DISC1: variants seen among roughly 807,000 people sequenced by gnomAD.
DISC1 encodes DISC1 scaffold protein, also known as disrupted in schizophrenia 1 protein.
A neutral mutation model predicts 84.5 loss-of-function variants in DISC1; 57 were observed. The ratio of observed to expected loss-of-function variants is 0.67; its 90% CI spans 0.55 to 0.84. DISC1 has a LOEUF of 0.84. Ranked by LOEUF, DISC1 falls within the 40% of genes least tolerant of loss-of-function variation. DISC1 has a pLI of 0.00. For missense variants in DISC1, 1,000 were observed against 1,057.8 expected, an observed-to-expected ratio of 0.95 and a Z score of 0.76; for synonymous variants, 411 against 415.2, an observed-to-expected ratio of 0.99 and a Z score of 0.12.
At chr1:231,789,615 A>C (rs2078161724) in intron 6 of DISC1, among the ~76,000 whole-genome samples, 2 of 152,172 alleles carry the variant, frequency 1.3e-5, no homozygotes, top group African/African-American at 4.8e-5. Flanking sequence ...CAGATCAGTT[A>C]TCTTTAGAAT....
chr1:231,915,526 A>G (rs1328479101), intron 9 of DISC1, among the ~76,000 whole-genome samples: 1 of 152,162 alleles, frequency 6.6e-6, no homozygotes, highest in Non-Finnish European at 1.5e-5. Flanking sequence ...GCTCACGCCT[A>G]TAATCCCAGC....
rs756371262 is a variant in DISC1, at chr1:231,991,980, G to A, written c.2043-16805G>A. Among the ~76,000 whole-genome samples the A allele has an allele frequency of 2.1e-4, 32 of 152,178 alleles. No individual in the cohort carries two copies. The Middle Eastern group carries it at 0.01, about 49-fold the overall frequency. ...TCTTTCAACTTTAAGAGGTAAAAAT[G>A]GCTGTATGATATGTAACAATAAGTG... On this transcript the variant is annotated intron_variant, in intron 10 of 12. Coordinates refer to ENST00000439617, the MANE Select transcript of DISC1 (RefSeq NM_018662.3).
chr1:231,913,313 A>G (rs1021808729), intron 9 of DISC1, among the ~76,000 whole-genome samples: 2 of 152,180 alleles, frequency 1.3e-5, no homozygotes, highest in African/African-American at 2.4e-5. Flanking sequence ...TATTATGGCT[A>G]ATGCTTATAA....
chr1:232,023,311 C>T (rs1669136729), intron 11 of DISC1, among the ~76,000 whole-genome samples: 1 of 152,028 alleles, frequency 6.6e-6, no homozygotes, highest in Non-Finnish European at 1.5e-5. Flanking sequence ...TTTAACTATT[C>T]CCTTTATTGT....
At position 231,833,413 on chromosome 1, in the gene DISC1, A is replaced by G. The variant is rs550558958; in HGVS notation, c.1981+14896A>G. 4.0e-5 allele frequency among the ~76,000 whole-genome samples: 6 copies of G among 151,770 alleles called. No individual in the cohort carries two copies. The South Asian group carries it at 1.2e-3, about 31-fold the overall frequency. On this transcript the variant is annotated intron_variant, in intron 9 of 12. Transcript: ENST00000439617. ...TTACCCTCCACTGTGAGAGTTACCC[A>G]AATCTCGGCATCCATGATGGTCTAG...
chr1:231,724,501 C>A (rs1573269363), intron 3 of DISC1, among the ~76,000 whole-genome samples: 1 of 152,176 alleles, frequency 6.6e-6, no homozygotes, highest in East Asian at 1.9e-4. Flanking sequence ...GAGAGGGAAC[C>A]AGCGTACAAT....
At chr1:231,990,139 A>G (rs1268524017) in intron 10 of DISC1, among the ~76,000 whole-genome samples, 2 of 152,006 alleles carry the variant, frequency 1.3e-5, no homozygotes, top group Admixed American at 6.5e-5. Context: ...CCACTGAGTT[A>G]TGGGGAAAAA....
At chr1:231,819,131 G>A in intron 9 of DISC1, 1 of 986,212 alleles carries the variant, frequency 1.0e-6, no homozygotes, top group Non-Finnish European at 1.2e-6. Flanking sequence ...GAAGACGCTG[G>A]TTCAGTGCAA....
intron 11 of DISC1, among the ~76,000 whole-genome samples, chr1:232,018,411 G>A (rs941548081): frequency 6.6e-6 from 1 of 152,222 alleles, no homozygotes; most frequent in Non-Finnish European, 1.5e-5. Context: ...ATTTGTGACT[G>A]TTCTTCTACT....
chr1:231,946,122 T>A (rs897681795), intron 9 of DISC1, among the ~76,000 whole-genome samples: 2 of 152,162 alleles, frequency 1.3e-5, no homozygotes, highest in Non-Finnish European at 2.9e-5. Context: ...GAGGCCAGCA[T>A]CATCCTGATA....
chr1:231,705,033 T>C lies in DISC1; in HGVS notation c.1117+3009T>C, dbSNP rs191581988. On this transcript the variant is annotated intron_variant, in intron 3 of 12. Coordinates refer to ENST00000439617, the MANE Select transcript of DISC1 (RefSeq NM_018662.3). ...GAATAATAAAGCTATACATAATATG[T>C]CCCTTAAAATACAGACAGACCAAGG... 1.8e-3 allele frequency among the ~76,000 whole-genome samples: 275 copies of C among 151,364 alleles called. 2 individuals are homozygous for C. Among genetic ancestry groups the C allele is most frequent in the Admixed American group, 0.015 (228 of 15,220 alleles).
chr1:231,868,692 T>TATATATATA (rs2085226389), intron 9 of DISC1, among the ~76,000 whole-genome samples: 1 of 108,842 alleles, frequency 9.2e-6, no homozygotes, highest in African/African-American at 3.2e-5. Context: ...ACCCCATCTC[T>TATATATATA]TATATATATA....
At chr1:231,985,336 CAAAA>C (rs59619547) in intron 10 of DISC1, among the ~76,000 whole-genome samples, 6 of 99,684 alleles carry the variant, frequency 6.0e-5, no homozygotes, top group African/African-American at 1.0e-4. Flanking sequence ...CCCCACCCAC[CAAAA>C]AAAAAAAAAA....
intron 9 of DISC1, among the ~76,000 whole-genome samples, chr1:231,950,001 G>T (rs984607813): frequency 6.6e-6 from 1 of 152,188 alleles, no homozygotes; most frequent in Non-Finnish European, 1.5e-5. Context: ...GAGAGTTATT[G>T]TGAGAATTAA....
chr1:232,038,422 C>T lies in DISC1; in HGVS notation c.*1591C>T, dbSNP rs527624134. Reference sequence around the variant, plus strand: ...GAAGCTCTCTAAACAAAGGAGTACCCTCTCTGGTCAAGTACCTTTGGTAAA... The same window carrying T: ...GAAGCTCTCTAAACAAAGGAGTACCTTCTCTGGTCAAGTACCTTTGGTAAA... On this transcript the variant is annotated 3_prime_UTR_variant, in exon 13 of 13. Transcript: ENST00000439617. 3.3e-5 allele frequency: 5 copies of T among 152,248 alleles called. No homozygotes were observed. Among genetic ancestry groups the T allele is most frequent in the African/African-American group, 4.8e-5 (2 of 41,554 alleles). The allele number at this position is 152,248 out of a possible 1,614,324, so 9.4% of individuals were successfully genotyped here. A position where few individuals can be genotyped will look rare whatever the true frequency, so the allele number is the denominator to read the frequency against.
intron 1 of DISC1, among the ~76,000 whole-genome samples, chr1:231,641,016 C>A (rs2059605430): frequency 6.6e-6 from 1 of 152,236 alleles, no homozygotes; most frequent in South Asian, 2.1e-4. Context: ...GCTCTGGAGA[C>A]CCTGCTGGTC....
chr1:231,848,596 C>A (rs935335601), intron 9 of DISC1, among the ~76,000 whole-genome samples: 2 of 152,154 alleles, frequency 1.3e-5, no homozygotes, highest in Non-Finnish European at 2.9e-5. Context: ...TAGGATGTGT[C>A]CAGGATGGTC....
chr1:231,697,525 G>T (rs1018778674), intron 2 of DISC1, among the ~76,000 whole-genome samples: 3 of 151,778 alleles, frequency 2.0e-5, no homozygotes, highest in African/African-American at 7.3e-5. Flanking sequence ...CTGCAACCTT[G>T]AACTCCTGGG....
chr1:232,034,299 A>G (rs971950762), intron 12 of DISC1, among the ~76,000 whole-genome samples: 2 of 152,190 alleles, frequency 1.3e-5, no homozygotes, highest in African/African-American at 4.8e-5. Context: ...CTATACTCTC[A>G]CAAGGAAAAA....
Sources: allele counts gnomAD v4.1 joint callset (sites outside exome capture counted in the v4.1 genomes callset), GRCh38; gene constraint gnomAD v4.1.1; transcripts MANE v1.5; gene names NCBI Gene and HGNC (gene_info 2026-07-23, HGNC 2026-07-21).